The following SCLT1 variants were observed in gnomAD, a reference collection of about 807,000 sequenced individuals.
The protein encoded by SCLT1 is sodium channel-associated protein 1.
Under a neutral mutation model 112.8 loss-of-function variants are expected in SCLT1, and 78 were observed. The ratio of observed to expected loss-of-function variants is 0.69; its 90% CI spans 0.58 to 0.83. The LOEUF (loss-of-function observed/expected upper bound fraction) is 0.83, where lower values mean the gene tolerates loss of function less well. SCLT1 is among the 40% of genes least tolerant of loss of function. The probability of loss-of-function intolerance (pLI) is 0.00; values close to 1 mark genes in which losing one functional copy is unlikely to be tolerated. For missense variants in SCLT1, 747 were observed against 770.4 expected, an observed-to-expected ratio of 0.97 and a Z score of 0.36; for synonymous variants, 257 against 254.7, an observed-to-expected ratio of 1.01 and a Z score of -0.09.
chr4:129,077,643 G>A (rs1302371823), intron 2 of SCLT1, among the ~76,000 whole-genome samples: 1 of 152,048 alleles, frequency 6.6e-6, no homozygotes, highest in African/African-American at 2.4e-5. Flanking sequence ...ACAAAAAGGG[G>A]AAACACAAAT....
chr4:129,036,430 TC>T (rs1428057507), intron 5 of SCLT1, among the ~76,000 whole-genome samples: 9 of 152,186 alleles, frequency 5.9e-5, no homozygotes, highest in African/African-American at 1.9e-4. Flanking sequence ...ACAAGCTTTA[TC>T]TAAGTATATT....
intron 2 of SCLT1, among the ~76,000 whole-genome samples, chr4:129,046,764 A>C (rs1748220927): frequency 6.6e-6 from 1 of 152,080 alleles, no homozygotes. Context: ...TTCTGAAGTA[A>C]TCTTACCCAT....
At chr4:129,009,087 A>G (rs1744285261) in intron 5 of SCLT1, among the ~76,000 whole-genome samples, 1 of 152,082 alleles carries the variant, frequency 6.6e-6, no homozygotes, top group African/African-American at 2.4e-5. Context: ...AGGTTGATCT[A>G]TGTCTTTGTC....
intron 12 of SCLT1, among the ~76,000 whole-genome samples, chr4:128,957,942 A>G (rs1739355720): frequency 6.6e-6 from 1 of 151,882 alleles, no homozygotes; most frequent in South Asian, 2.1e-4. Flanking sequence ...ATTCTTCCTC[A>G]TCTCCTGAAC....
At chr4:128,878,095 A>G (rs751833071) in intron 3 of SCLT1, among the ~76,000 whole-genome samples, 5 of 152,222 alleles carry the variant, frequency 3.3e-5, no homozygotes, top group Admixed American at 6.5e-5. Context: ...TTGAGAACTA[A>G]TATCTTAACA....
intron 9 of SCLT1, among the ~76,000 whole-genome samples, chr4:128,990,389 A>T (rs1159512433): frequency 6.6e-6 from 1 of 152,006 alleles, no homozygotes; most frequent in African/African-American, 2.4e-5. Context: ...AAAATTCAAC[A>T]TCTCTTTGTG....
At chr4:128,931,265 A>C (rs1309814256) in intron 18 of SCLT1, among the ~76,000 whole-genome samples, 1 of 152,154 alleles carries the variant, frequency 6.6e-6, no homozygotes, top group East Asian at 1.9e-4. Flanking sequence ...TAATAAAATT[A>C]CTGAGCAGCA....
At chr4:128,976,192 C>T (rs1334310919) in intron 9 of SCLT1, among the ~76,000 whole-genome samples, 1 of 152,116 alleles carries the variant, frequency 6.6e-6, no homozygotes, top group Non-Finnish European at 1.5e-5. Flanking sequence ...TTTTTCACAT[C>T]ATATATGGAT....
downstream of SCLT1, among the ~76,000 whole-genome samples, chr4:128,880,498 C>A (rs1490428044): frequency 6.6e-6 from 1 of 152,060 alleles, no homozygotes; most frequent in Non-Finnish European, 1.5e-5. Flanking sequence ...CTAAAATGAC[C>A]TCAGCAGGTT....
chr4:128,906,105 A>C (rs1026542853), intron 18 of SCLT1, among the ~76,000 whole-genome samples: 2 of 152,222 alleles, frequency 1.3e-5, no homozygotes, highest in Non-Finnish European at 2.9e-5. Flanking sequence ...TAGTCCATCC[A>C]GTAATAACAT....
At chr4:128,895,411 C>T (rs1471350306) in intron 18 of SCLT1, among the ~76,000 whole-genome samples, 1 of 152,180 alleles carries the variant, frequency 6.6e-6, no homozygotes, top group Non-Finnish European at 1.5e-5. Flanking sequence ...AGGAACCTTC[C>T]ACACTTCAGT....
At chr4:128,988,582 A>C (rs1309289429) in intron 9 of SCLT1, among the ~76,000 whole-genome samples, 1 of 151,896 alleles carries the variant, frequency 6.6e-6, no homozygotes, top group Non-Finnish European at 1.5e-5. Flanking sequence ...AGGACCAACA[A>C]TACAACCCCA....
intron 14 of SCLT1, chr4:128,952,561 T>G (rs988199035): frequency 1.2e-5 from 7 of 584,756 alleles, no homozygotes; most frequent in Admixed American, 2.9e-5. Context: ...TACAGTAAAA[T>G]GTGATAAATG....
chr4:129,093,289 G>C lies in SCLT1; in HGVS notation c.-186C>G. The C allele has an allele frequency of 1.6e-6, 1 of 621,182 alleles. No homozygotes were observed. Among genetic ancestry groups the C allele is most frequent in the Non-Finnish European group, 2.9e-6 (1 of 346,738 alleles). The allele number at this position is 621,182 out of a possible 1,614,324, so 38.5% of individuals were successfully genotyped here. A position where few individuals can be genotyped will look rare whatever the true frequency, so the allele number is the denominator to read the frequency against. On this transcript the variant is annotated 5_prime_UTR_variant, in exon 1 of 21. Transcript: ENST00000281142. ...CCACGCTTCTTTCCCCCGCGCCCCA[G>C]ACGAGTCCCTGGCCCTGGTGAGAGA...
intron 8 of SCLT1, among the ~76,000 whole-genome samples, chr4:128,996,577 T>C (rs193124443): frequency 4.2e-4 from 64 of 152,246 alleles, no homozygotes; most frequent in Non-Finnish European, 7.5e-4. Flanking sequence ...GCTCCCTTTA[T>C]ACTTATCAGT....
chr4:129,002,210 A>C (rs1011061798), intron 6 of SCLT1, among the ~76,000 whole-genome samples: 1 of 152,058 alleles, frequency 6.6e-6, no homozygotes, highest in South Asian at 2.1e-4. Context: ...GAGGCACAAG[A>C]GTTTTTTTCT....
intron 2 of SCLT1, among the ~76,000 whole-genome samples, chr4:129,053,518 TAA>T (rs1749028616): frequency 6.9e-6 from 1 of 145,908 alleles, no homozygotes; most frequent in Non-Finnish European, 1.5e-5. Flanking sequence ...TTTGTTGGTT[TAA>T]AGTCTGTTTT....
chr4:129,028,868 A>G (rs1207949201), intron 5 of SCLT1, among the ~76,000 whole-genome samples: 4 of 152,176 alleles, frequency 2.6e-5, no homozygotes, highest in Non-Finnish European at 4.4e-5. Flanking sequence ...TGGGCAAAGG[A>G]CATGAACAGA....
chr4:128,942,764 T>C (rs900468241), intron 17 of SCLT1, among the ~76,000 whole-genome samples: 1 of 152,158 alleles, frequency 6.6e-6, no homozygotes, highest in Non-Finnish European at 1.5e-5. Context: ...TCAGTATATT[T>C]CGTGGTTGGA....
Sources: allele counts gnomAD v4.1 joint callset (sites outside exome capture counted in the v4.1 genomes callset), GRCh38; gene constraint gnomAD v4.1.1; transcripts MANE v1.5; gene names NCBI Gene and HGNC (gene_info 2026-07-23, HGNC 2026-07-21).